Variants in ACSF2 observed in about 807,000 individuals in gnomAD.
ACSF2 encodes medium-chain acyl-CoA ligase ACSF2, mitochondrial.
A neutral mutation model predicts 79.3 loss-of-function variants in ACSF2; 52 were observed. The ratio of observed to expected loss-of-function variants is 0.66; its 90% CI spans 0.53 to 0.83. The LOEUF (loss-of-function observed/expected upper bound fraction) is 0.83. Among genes scored for constraint, ACSF2 ranks in the 40% least tolerant of loss-of-function variants. The probability of loss-of-function intolerance (pLI) is 0.00; values close to 1 mark genes in which losing one functional copy is unlikely to be tolerated. For missense variants in ACSF2, 661 were observed against 803.3 expected, an observed-to-expected ratio of 0.82 and a Z score of 2.14; for synonymous variants, 283 against 312.6, an observed-to-expected ratio of 0.91 and a Z score of 1.00.
chr17:50,427,172 C>T (rs912837534), intron 1 of ACSF2, among the ~76,000 whole-genome samples: 2 of 152,330 alleles, frequency 1.3e-5, no homozygotes, highest in African/African-American at 4.8e-5. Flanking sequence ...GATACTAAGT[C>T]TATGGTCAGG....
At chr17:50,458,585 A>G (rs528226803) in intron 1 of ACSF2, among the ~76,000 whole-genome samples, 15 of 152,274 alleles carry the variant, frequency 9.9e-5, no homozygotes, top group African/African-American at 2.9e-4. Flanking sequence ...TTCTAAACAT[A>G]CATTCATCAT....
chr17:50,439,411 A>G (rs1426892339), intron 1 of ACSF2, among the ~76,000 whole-genome samples: 1 of 152,028 alleles, frequency 6.6e-6, no homozygotes, highest in Non-Finnish European at 1.5e-5. Context: ...AAATAGTATC[A>G]TAGTTCTTTT....
Position 50,468,243 on chromosome 17 carries a change from G to C in ACSF2, c.1216-2785G>C, listed in dbSNP as rs142798033. ...TTGGCGAGGTTCTCCACGTCGTCCA[G>C]GGCCCCGGGCTGCAGGGAGCTCAAC... On this transcript the variant is annotated intron_variant, in intron 10 of 15. Coordinates refer to ENST00000300441, the MANE Select transcript of ACSF2 (RefSeq NM_025149.6). The C allele has an allele frequency of 4.3e-4, 694 of 1,612,020 alleles. 2 individuals carry two copies. The African/African-American group carries it at 8.1e-3, about 19-fold the overall frequency.
intron 1 of ACSF2, among the ~76,000 whole-genome samples, chr17:50,449,743 T>C (rs2031551186): frequency 6.6e-6 from 1 of 152,174 alleles, no homozygotes; most frequent in Non-Finnish European, 1.5e-5. Context: ...AATTGCTTTA[T>C]TGTAGTAAAA....
chr17:50,449,582 A>G (rs1042566039), intron 1 of ACSF2, among the ~76,000 whole-genome samples: 2 of 130,774 alleles, frequency 1.5e-5, no homozygotes, highest in African/African-American at 5.7e-5. Context: ...TTTTTTTTGT[A>G]TTTTTTTTTT....
chr17:50,468,926 A>T (rs2032946117), intron 10 of ACSF2: 1 of 1,406,852 alleles, frequency 7.1e-7, no homozygotes. Flanking sequence ...CCCTGACCGC[A>T]GCCGGCAGCC....
intron 1 of ACSF2, among the ~76,000 whole-genome samples, chr17:50,446,295 A>G (rs1036658194): frequency 2.4e-4 from 37 of 152,150 alleles, no homozygotes; most frequent in African/African-American, 8.9e-4. Context: ...TGACAGATTC[A>G]GAAAAGTACA....
chr17:50,437,178 G>A (rs950940250), intron 1 of ACSF2, among the ~76,000 whole-genome samples: 5 of 152,216 alleles, frequency 3.3e-5, no homozygotes, highest in African/African-American at 9.6e-5. Context: ...AAAACTTTCA[G>A]TGGTGTGCAA....
chr17:50,461,730 CAG>C (rs2032340809), intron 4 of ACSF2, 44 bp downstream of exon 4: 1 of 1,608,924 alleles, frequency 6.2e-7, no homozygotes, highest in Non-Finnish European at 8.5e-7. Flanking sequence ...GGGCCTGGCA[CAG>C]GGGGCTGCAC....
chr17:50,472,102 C>T, intron 11 of ACSF2: 1 of 314,254 alleles, frequency 3.2e-6, no homozygotes, highest in Non-Finnish European at 5.9e-6. Context: ...ACTCCCTTCT[C>T]CTCTGCACGG....
At chr17:50,431,419 G>A (rs927060059) in intron 1 of ACSF2, among the ~76,000 whole-genome samples, 1 of 152,202 alleles carries the variant, frequency 6.6e-6, no homozygotes, top group African/African-American at 2.4e-5. Flanking sequence ...GAGGAATCTG[G>A]TTTGTGGAAA....
intron 1 of ACSF2, among the ~76,000 whole-genome samples, chr17:50,456,590 G>A (rs1479698021): frequency 1.3e-5 from 2 of 151,946 alleles, no homozygotes; most frequent in Non-Finnish European, 2.9e-5. Flanking sequence ...AAATTAGCCG[G>A]GCGTGGTGGC....
At chr17:50,460,246 A>C (rs573514068) in intron 1 of ACSF2, 397 of 458,032 alleles carry the variant, frequency 8.7e-4, no homozygotes, top group Non-Finnish European at 1.6e-3. Context: ...TAAAATCCTA[A>C]GACCTTGGAT....
intron 11 of ACSF2, 126 bp from the exon 12 acceptor site, chr17:50,472,301 CA>C: frequency 2.6e-6 from 3 of 1,138,426 alleles, no homozygotes; most frequent in Non-Finnish European, 2.4e-6. Flanking sequence ...TAAGCAGAGC[CA>C]GGGGGCCTCA....
chr17:50,426,533 C>G, intron 1 of ACSF2, 144 bp downstream of exon 1: 1 of 1,110,170 alleles, frequency 9.0e-7, no homozygotes, highest in Non-Finnish European at 1.2e-6. Flanking sequence ...CCCGCCAGCA[C>G]CTAGGCAATA....
At chr17:50,427,104 C>A in intron 1 of ACSF2, 1 of 988,728 alleles carries the variant, frequency 1.0e-6, no homozygotes, top group Non-Finnish European at 1.5e-6. Context: ...TTAGCTTCAG[C>A]AGCACCACTG....
intron 1 of ACSF2, among the ~76,000 whole-genome samples, chr17:50,448,332 A>G (rs1423064259): frequency 1.3e-5 from 2 of 152,234 alleles, no homozygotes; most frequent in African/African-American, 4.8e-5. Context: ...TATGCCATCC[A>G]TCATAAGCCA....
chr17:50,460,314 G>A (rs575121669), intron 1 of ACSF2: 2 of 469,590 alleles, frequency 4.3e-6, no homozygotes, highest in Admixed American at 2.3e-5. Context: ...CCAGTGACCT[G>A]TTTATTCTCC....
chr17:50,464,323 G>A, intron 10 of ACSF2, 29 bp downstream of exon 10: 1 of 1,607,716 alleles, frequency 6.2e-7, no homozygotes, highest in Non-Finnish European at 8.5e-7. Context: ...CCGGGCTGTG[G>A]GCAGGCCAGG....
Sources: gnomAD v4.1 joint callset for allele counts (sites outside exome capture counted in the v4.1 genomes callset) on GRCh38, gnomAD v4.1.1 for gene constraint, MANE v1.5 for transcripts, NCBI Gene and HGNC (gene_info 2026-07-23, HGNC 2026-07-21) for gene names.